Variants in USF2 observed in about 807,000 individuals in gnomAD.
USF2 encodes upstream stimulatory factor 2.
USF2 carries 16 observed loss-of-function variants against 46.9 expected under a neutral mutation model. The observed-to-expected ratio is 0.34, with a 90% CI of 0.23 to 0.52. The LOEUF (loss-of-function observed/expected upper bound fraction) is 0.52, where lower values mean the gene tolerates loss of function less well. Ranked by LOEUF, USF2 falls within the 20% of genes least tolerant of loss-of-function variation. The probability of loss-of-function intolerance (pLI) is 0.96; values close to 1 mark genes in which losing one functional copy is unlikely to be tolerated. For missense variants in USF2, 411 were observed against 474.0 expected (o/e 0.87, Z 1.23); for synonymous variants, 239 against 194.1 (o/e 1.23, Z -1.92).
intron 7 of USF2, among the ~76,000 whole-genome samples, chr19:35,273,771 G>C (rs911301074): frequency 1.3e-5 from 2 of 152,126 alleles, no homozygotes; most frequent in East Asian, 1.9e-4. Flanking sequence ...GCCCAGGCTC[G>C]TCTTGAACTT....
intron 8 of USF2, 31 bp downstream of exon 8, chr19:35,278,823 T>G (rs751256705): frequency 6.2e-7 from 1 of 1,612,698 alleles, no homozygotes. Context: ...GTGTCTGCGG[T>G]GGTCCCGGCC....
At chr19:35,271,866 G>A (rs1252633007) in intron 7 of USF2, among the ~76,000 whole-genome samples, 1 of 152,216 alleles carries the variant, frequency 6.6e-6, no homozygotes, top group Admixed American at 6.5e-5. Flanking sequence ...AAGGCCTGAG[G>A]GCTTATGTCT....
chr19:35,278,884 C>T, intron 8 of USF2, 62 bp from the exon 9 acceptor site: 5 of 1,593,448 alleles, frequency 3.1e-6, no homozygotes, highest in Non-Finnish European at 4.3e-6. Context: ...CGGGAGTCAT[C>T]CCTGGGGTGG....
intron 7 of USF2, 200 bp from the exon 8 acceptor site, chr19:35,278,498 C>T: frequency 1.7e-6 from 1 of 596,936 alleles, no homozygotes; most frequent in Non-Finnish European, 3.0e-6. Flanking sequence ...ACTGGAGGGC[C>T]CACGTTTCTT....
chr19:35,269,209 CCGGCCCCG>C (rs1381741692), intron 1 of USF2, 46 bp downstream of exon 1: 1 of 980,382 alleles, frequency 1.0e-6, no homozygotes, highest in Non-Finnish European at 1.2e-6. Context: ...GGCCCCGGCC[CCGGCCCCG>C]CGGCCTGCAG....
In USF2 at chr19:35,269,837, A is replaced by C. The variant is rs1393708738; in HGVS notation, c.263A>C (p.Gln88Pro). The C allele has an allele frequency of 6.9e-7, 1 of 1,450,004 alleles. No individual in the cohort carries two copies. The highest frequency in any genetic ancestry group is 9.0e-7 in the Non-Finnish European group (1 of 1,110,242). 89.8% of individuals were successfully genotyped at this position (1,450,004 alleles called of 1,614,324 possible). Residue 88 changes from glutamine to proline, a missense_variant, in exon 4 of 10, where the codon CAG (glutamine) becomes CCG (proline). Gln to Pro is a moderately conservative substitution (Grantham distance 76). Coordinates refer to ENST00000222305, the MANE Select transcript of USF2 (RefSeq NM_003367.4). Reference sequence around the variant, plus strand: ...CGCGTAGTCCAGGTGACTGATGGTCAGCTGGACGGCCAGGGCGACACAGCT... The same window carrying C: ...CGCGTAGTCCAGGTGACTGATGGTCCGCTGGACGGCCAGGGCGACACAGCT... ...TYRVVQVTDG[Q>P]LDGQGDTAGA... is the part of the protein sequence containing the mutation.
At position 35,269,687 on chromosome 19, in the gene USF2, A is replaced by G; in HGVS notation, c.216A>G (p.Thr72=). 7.4e-7 allele frequency: 1 copy of G among 1,350,300 alleles called. No individual in the cohort carries two copies. Among genetic ancestry groups the G allele is most frequent in the Non-Finnish European group, 9.8e-7 (1 of 1,025,342 alleles). The allele number at this position is 1,350,300 out of a possible 1,614,324, so 83.6% of individuals were successfully genotyped here. A position where few individuals can be genotyped will look rare whatever the true frequency, so the allele number is the denominator to read the frequency against. Residue 72 remains threonine, a synonymous_variant, in exon 3 of 10, where the codon ACA becomes ACG. Transcript: ENST00000222305. ...HNIQYQFRTE[T]NGGQVTYRVV... ...TCCAGTACCAGTTCCGCACAGAGACAAATGGAGGACAGGTGAGCGGCGGGC... is the reference window on the plus strand; with the variant it reads ...TCCAGTACCAGTTCCGCACAGAGACGAATGGAGGACAGGTGAGCGGCGGGC...
chr19:35,270,501 A>C lies in USF2; in HGVS notation c.484A>C (p.Ser162Arg). 1.9e-6 allele frequency: 3 copies of C among 1,614,138 alleles called. No individual in the cohort carries two copies. Among genetic ancestry groups the C allele is most frequent in the Non-Finnish European group, 2.5e-6 (3 of 1,180,006 alleles). The change falls in exon 5 of 10, where the codon AGC becomes CGC. Residue 162 changes from serine (S) to arginine (R), a missense_variant. Physicochemically the swap from Ser to Arg is moderately radical, Grantham distance 110. Around this residue, in one of 2 missense-constraint regions of USF2, gnomAD observed 318 missense variants for 322.4 expected, o/e 0.99. Coordinates refer to ENST00000222305, the MANE Select transcript of USF2 (RefSeq NM_003367.4). Reference protein sequence around the residue: ...NGGSPAAEAVSGEARFAYFPA... With the variant: ...NGGSPAAEAVRGEARFAYFPA... ...TGGCAGTCCGGCGGCCGAGGCTGTC[A>C]GCGGGGAGGCACGATTTGCCTATTT...
chr19:35,269,947 C>T lies in USF2; in HGVS notation c.373C>T (p.Arg125Cys). 1.5e-6 allele frequency: 2 copies of T among 1,342,616 alleles called. No homozygotes were observed. The highest frequency in any genetic ancestry group is 1.9e-5 in the South Asian group (1 of 51,722). 83.2% of individuals were successfully genotyped at this position (1,342,616 alleles called of 1,614,324 possible). A position where few individuals can be genotyped will look rare whatever the true frequency, so the allele number is the denominator to read the frequency against. ...GGTGGGTGTGGACGGGGCAGCCCAG[C>T]GCCCGGGCCCCGCCGCTGCCTCTGT... is the stretch of plus-strand genomic sequence containing the variant. ...TQVGVDGAAQ[R>C]PGPAAASVPP... The change falls in exon 4 of 10, where the codon CGC (arginine) becomes TGC (cysteine). Residue 125 changes from arginine (R) to cysteine (C), a missense_variant. By Grantham distance (180) the Arg-to-Cys change is radical. This residue lies in a region of USF2 where 318 missense variants were observed against 322.4 expected (regional missense o/e 0.99). Transcript: ENST00000222305.
intron 7 of USF2, 81 bp downstream of exon 7, chr19:35,271,222 G>T: frequency 6.4e-7 from 1 of 1,557,794 alleles, no homozygotes. Context: ...GAGTGACAGA[G>T]AGAGAAGCCA....
Position 35,269,426 on chromosome 19 carries a change from C to A in USF2, c.63-20C>A. 1 of 1,486,730 alleles carries A rather than the reference C, an allele frequency of 6.7e-7. No homozygotes were observed. The highest frequency in any genetic ancestry group is 8.9e-7 in the Non-Finnish European group (1 of 1,125,324). The allele number at this position is 1,486,730 out of a possible 1,614,324, so 92.1% of individuals were successfully genotyped here. A position where few individuals can be genotyped will look rare whatever the true frequency, so the allele number is the denominator to read the frequency against. On this transcript the variant is annotated intron_variant, in intron 1 of 9. Coordinates refer to ENST00000222305, the MANE Select transcript of USF2 (RefSeq NM_003367.4). ...GGGCGCGGGCCGCGCTGACCCTGCT[C>A]CCTCCTGTGCCCCTGGCAGCCACGA...
chr19:35,269,747 G>A (rs1177989869), intron 3 of USF2, 48 bp downstream of exon 3: 2 of 1,470,834 alleles, frequency 1.4e-6, no homozygotes, highest in African/African-American at 1.5e-5. Context: ...CGGGCGCGCC[G>A]GGAAGGCTCG....
At chr19:35,272,753 A>G (rs550861333) in intron 7 of USF2, among the ~76,000 whole-genome samples, 1 of 151,684 alleles carries the variant, frequency 6.6e-6, no homozygotes, top group Admixed American at 6.6e-5. Context: ...GGGTTGGGGG[A>G]AATGTGGGGA....
intron 7 of USF2, chr19:35,275,838 G>A (rs1052036516): frequency 9.2e-5 from 14 of 152,182 alleles, no homozygotes; most frequent in Middle Eastern, 3.2e-3. Context: ...CTAGCTTGGC[G>A]GAAGCTTCTG....
rs979171607 is a variant in USF2 at position 35,270,019 on chromosome 19, C to T, written c.429+16C>T. On this transcript the variant is annotated intron_variant, in intron 4 of 9. Transcript: ENST00000222305. Reference sequence around the variant, plus strand: ...CTTCCCGCTGGTAGGTGCCCTGCCACCCCTGGGTGGGGGGGGGAGGGAGTG... The same window carrying T: ...CTTCCCGCTGGTAGGTGCCCTGCCATCCCTGGGTGGGGGGGGGAGGGAGTG... 1.5e-6 allele frequency: 2 copies of T among 1,343,460 alleles called. No individual in the cohort carries two copies. The highest frequency in any genetic ancestry group is 1.9e-6 in the Non-Finnish European group (2 of 1,054,274). The allele number at this position is 1,343,460 out of a possible 1,614,324, so 83.2% of individuals were successfully genotyped here. A position where few individuals can be genotyped will look rare whatever the true frequency, so the allele number is the denominator to read the frequency against.
At chr19:35,276,662 T>C (rs2145582396) in intron 7 of USF2, among the ~76,000 whole-genome samples, 1 of 152,322 alleles carries the variant, frequency 6.6e-6, no homozygotes, top group Admixed American at 6.5e-5. Context: ...ATTTCTGGGA[T>C]CTTCCCAGCT....
At chr19:35,278,905 G>T (rs1268212918) in intron 8 of USF2, 41 bp from the exon 9 acceptor site, 17 of 1,577,378 alleles carry the variant, frequency 1.1e-5, no homozygotes, top group Admixed American at 1.8e-5. Flanking sequence ...AGGCCGGTGG[G>T]CGGTGCCTGC....
chr19:35,274,738 A>G (rs1040203453), intron 7 of USF2, among the ~76,000 whole-genome samples: 5 of 152,214 alleles, frequency 3.3e-5, no homozygotes, highest in Admixed American at 2.0e-4. Flanking sequence ...TCCGGGAGAC[A>G]GAGGTTGCAG....
chr19:35,278,029 C>T (rs188349554), intron 7 of USF2: 3 of 152,392 alleles, frequency 2.0e-5, no homozygotes, highest in Admixed American at 1.3e-4. Context: ...GTTGCCATCT[C>T]TGGCCTTCAA....
Sources: allele counts gnomAD v4.1 joint callset (sites outside exome capture counted in the v4.1 genomes callset), GRCh38; gene constraint gnomAD v4.1.1; regional missense constraint gnomAD v4.1.1; transcripts MANE v1.5; gene names NCBI Gene and HGNC (gene_info 2026-07-23, HGNC 2026-07-21).